The following FNDC3A variants were observed in gnomAD, a reference collection of about 807,000 sequenced individuals.
FNDC3A encodes fibronectin type III domain containing 3A, also known as fibronectin type-III domain-containing protein 3A.
Under a neutral mutation model 148.9 loss-of-function variants are expected in FNDC3A, and 32 were observed. The ratio of observed to expected loss-of-function variants is 0.21; its 90% CI spans 0.16 to 0.29. The LOEUF (loss-of-function observed/expected upper bound fraction) is 0.29. Ranked by LOEUF, FNDC3A falls within the 10% of genes least tolerant of loss-of-function variation. FNDC3A has a pLI of 1.00. For synonymous variants in FNDC3A, 472 were observed against 473.6 expected (o/e 1.00, Z 0.04); for missense variants, 1,191 against 1,452.8 (o/e 0.82, Z 2.93).
rs899398371 is a variant in FNDC3A, at chr13:49,188,390, C to T, written c.1826-125C>T. 1.2e-5 allele frequency: 8 copies of T among 655,928 alleles called. No homozygotes were observed. The Admixed American group carries it at 1.3e-4, about 10-fold the overall frequency. The allele number at this position is 655,928 out of a possible 1,614,324, so 40.6% of individuals were successfully genotyped here. A position where few individuals can be genotyped will look rare whatever the true frequency, so the allele number is the denominator to read the frequency against. The stretch of plus-strand genomic sequence containing the variant: ...TCATTTCCAGGAAACCGAAACAAAC[C>T]TAAATTGTTTCTGACAAATTACACA... On this transcript the variant is annotated intron_variant, in intron 16 of 25. Coordinates refer to ENST00000492622, the MANE Select transcript of FNDC3A (RefSeq NM_001079673.2).
In FNDC3A at chr13:48,981,913, T is replaced by C. The variant is rs540654736; in HGVS notation, c.-40+5736T>C. On this transcript the variant is annotated intron_variant, in intron 1 of 25. Transcript: ENST00000492622. Reference sequence around the variant, plus strand: ...ATATTTGAACTTTTAAAAACTTAAATGATTTCGCTTCACTACTTCTTCAGT... The same window carrying C: ...ATATTTGAACTTTTAAAAACTTAAACGATTTCGCTTCACTACTTCTTCAGT... Among the ~76,000 whole-genome samples, 7 of 152,254 alleles carry C rather than the reference T, an allele frequency of 4.6e-5. No homozygotes were observed. The South Asian group carries it at 6.2e-4, about 14-fold the overall frequency.
chr13:49,013,624 G>A (rs1952417776), intron 2 of FNDC3A, among the ~76,000 whole-genome samples: 1 of 150,142 alleles, frequency 6.7e-6, no homozygotes, highest in Non-Finnish European at 1.5e-5. Context: ...GTGTACACGT[G>A]TATACATGTA....
At chr13:49,133,267 G>C (rs1173370738) in intron 5 of FNDC3A, among the ~76,000 whole-genome samples, 1 of 151,928 alleles carries the variant, frequency 6.6e-6, no homozygotes, top group African/African-American at 2.4e-5. Context: ...TCCTATTTTT[G>C]TTTACTGCTA....
chr13:49,174,905 A>G (rs898425949), intron 12 of FNDC3A, among the ~76,000 whole-genome samples: 1 of 152,216 alleles, frequency 6.6e-6, no homozygotes, highest in Non-Finnish European at 1.5e-5. Flanking sequence ...ATTTAAATAG[A>G]AAGGCCAAGT....
chr13:49,076,443 C>G (rs1425496977), intron 3 of FNDC3A, among the ~76,000 whole-genome samples: 1 of 151,828 alleles, frequency 6.6e-6, no homozygotes, highest in Non-Finnish European at 1.5e-5. Flanking sequence ...TGGGGTTTCA[C>G]CATGTTGGCC....
At chr13:49,048,165 A>T (rs1032136675) in intron 2 of FNDC3A, among the ~76,000 whole-genome samples, 14 of 152,134 alleles carry the variant, frequency 9.2e-5, no homozygotes, top group Non-Finnish European at 1.9e-4. Flanking sequence ...CTGTTTTTAT[A>T]CCAGTACCAT....
At position 49,198,167 on chromosome 13, in the gene FNDC3A, C is replaced by T. The variant is rs1886246622; in HGVS notation, c.2676C>T (p.Ile892=). The part of the protein sequence containing the change: ...WEKPCDHGSE[I]LAYSIDFGDK... ...AGCCTTGTGATCATGGTTCGGAAAT[C>T]CTTGCCTACAGCATAGACTTTGGAG... The change falls in exon 22 of 26, where the codon ATC becomes ATT. Residue 892 remains isoleucine (I), a synonymous_variant. Transcript: ENST00000492622. The T allele has an allele frequency of 1.2e-6, 2 of 1,614,108 alleles. No individual in the cohort carries two copies. Among genetic ancestry groups the T allele is most frequent in the Non-Finnish European group, 1.7e-6 (2 of 1,180,012 alleles).
At chr13:49,035,207 C>T (rs1170658379) in intron 2 of FNDC3A, among the ~76,000 whole-genome samples, 1 of 152,002 alleles carries the variant, frequency 6.6e-6, no homozygotes, top group East Asian at 1.9e-4. Context: ...CTACATGGCA[C>T]CCATGTGCAG....
At chr13:48,976,796 C>T (rs1369003492) in intron 1 of FNDC3A, 1 of 152,286 alleles carries the variant, frequency 6.6e-6, no homozygotes, top group Non-Finnish European at 1.5e-5. Context: ...AGTTCCTCTC[C>T]CCGGGCGAGT....
At chr13:49,188,986 G>A (rs1885736227) in intron 17 of FNDC3A, among the ~76,000 whole-genome samples, 1 of 152,068 alleles carries the variant, frequency 6.6e-6, no homozygotes, top group South Asian at 2.1e-4. Context: ...CATAAATTAT[G>A]TGTGTGAGGA....
At chr13:49,012,805 ATGTGTGTGTGTGTGTGTGTG>A (rs61137549) in intron 2 of FNDC3A, among the ~76,000 whole-genome samples, 1 of 134,522 alleles carries the variant, frequency 7.4e-6, no homozygotes, top group African/African-American at 2.9e-5. Context: ...GCAATTATAA[ATGTGTGTGTGTGTGTGTGTG>A]TGTGTGTGTG....
chr13:49,084,601 G>T (rs912744945), intron 3 of FNDC3A, among the ~76,000 whole-genome samples: 1 of 152,128 alleles, frequency 6.6e-6, no homozygotes, highest in Non-Finnish European at 1.5e-5. Flanking sequence ...TGTAGAAAAA[G>T]TATCAAGGTG....
chr13:49,157,678 G>C (rs1402488984), intron 8 of FNDC3A, among the ~76,000 whole-genome samples: 1 of 145,046 alleles, frequency 6.9e-6, no homozygotes, highest in South Asian at 2.3e-4. Context: ...TTTGATGATG[G>C]TGATGTACAG....
intron 11 of FNDC3A, among the ~76,000 whole-genome samples, chr13:49,174,196 A>C (rs1261354404): frequency 6.6e-6 from 1 of 152,160 alleles, no homozygotes; most frequent in Non-Finnish European, 1.5e-5. Context: ...GAGATTTAAC[A>C]TTGGCTAAAA....
chr13:49,188,191 T>A (rs1326016890), intron 16 of FNDC3A, among the ~76,000 whole-genome samples: 1 of 152,244 alleles, frequency 6.6e-6, no homozygotes, highest in Non-Finnish European at 1.5e-5. Context: ...TACTGGTTTT[T>A]TGTACTCTTT....
chr13:49,119,298 G>A (rs1429951788), intron 4 of FNDC3A, among the ~76,000 whole-genome samples: 6 of 152,182 alleles, frequency 3.9e-5, no homozygotes, highest in Admixed American at 1.3e-4. Context: ...GAAAGGAATA[G>A]CAACAACATC....
At chr13:49,197,338 T>A (rs557306494) in intron 20 of FNDC3A, among the ~76,000 whole-genome samples, 5 of 151,534 alleles carry the variant, frequency 3.3e-5, no homozygotes, top group Non-Finnish European at 7.4e-5. Context: ...ACATCTCCAG[T>A]GTACTTATTG....
chr13:49,155,273 C>G (rs1341467125), intron 8 of FNDC3A, among the ~76,000 whole-genome samples: 1 of 151,986 alleles, frequency 6.6e-6, no homozygotes, highest in Non-Finnish European at 1.5e-5. Context: ...AGGAATTTAT[C>G]CATTTCTTCT....
chr13:49,149,302 G>A lies in FNDC3A; in HGVS notation c.977+3367G>A, dbSNP rs578247656. On this transcript the variant is annotated intron_variant, in intron 8 of 25. Transcript: ENST00000492622. The stretch of plus-strand genomic sequence containing the variant: ...CGAGTTCTTAGAGGAAAGGTTTTTA[G>A]ACTTTCCCCTTTCTGTATGATGTTA... Among the ~76,000 whole-genome samples, 58 of 152,012 alleles carry A rather than the reference G, an allele frequency of 3.8e-4. 1 individual carries two copies. In the South Asian group the frequency reaches 0.012, roughly 32 times the overall value.
Sources: gnomAD v4.1 joint callset for allele counts (sites outside exome capture counted in the v4.1 genomes callset) on GRCh38, gnomAD v4.1.1 for gene constraint, MANE v1.5 for transcripts, NCBI Gene and HGNC (gene_info 2026-07-23, HGNC 2026-07-21) for gene names.